The following MOGAT2 variants were observed in gnomAD, a reference collection of about 807,000 sequenced individuals.
The protein encoded by MOGAT2 is 2-acylglycerol O-acyltransferase 2.
In MOGAT2, 27 loss-of-function variants were observed where a neutral mutation model predicts 31.5. That is an observed-to-expected ratio of 0.86 (90% CI 0.63 to 1.18). The LOEUF is 1.18. MOGAT2 is among the 50% of genes most tolerant of loss of function. The pLI is 0.00. For synonymous variants in MOGAT2, 163 were observed against 170.0 expected (o/e 0.96, Z 0.32); for missense variants, 436 against 433.2 (o/e 1.01, Z -0.06).
chr11:75,727,952 A>G lies in MOGAT2; in HGVS notation c.476-18A>G, dbSNP rs1450613958. ...TGCTCCCTCACCCCATACCTGACCC[A>G]CTTTTCTCTTTCCCTAGGGTTGGTC... On this transcript the variant is annotated intron_variant, in intron 3 of 5. Transcript: ENST00000198801. 1 of 1,587,250 alleles carries G rather than the reference A, an allele frequency of 6.3e-7. No individual in the cohort carries two copies. Among genetic ancestry groups the G allele is most frequent in the Non-Finnish European group, 8.6e-7 (1 of 1,166,274 alleles).
chr11:75,723,678 C>T (rs1209379336), intron 2 of MOGAT2, among the ~76,000 whole-genome samples: 3 of 152,196 alleles, frequency 2.0e-5, no homozygotes, highest in Admixed American at 6.5e-5. Flanking sequence ...GTGTGAGCCA[C>T]CACACCTATC....
chr11:75,720,721 A>G (rs1348302767), intron 2 of MOGAT2, among the ~76,000 whole-genome samples: 1 of 152,142 alleles, frequency 6.6e-6, no homozygotes, highest in African/African-American at 2.4e-5. Context: ...GGCATGTGGT[A>G]TATCTTTGGG....
At chr11:75,727,945 C>T in intron 3 of MOGAT2, 25 bp from the exon 4 acceptor site, 1 of 1,581,654 alleles carries the variant, frequency 6.3e-7, no homozygotes, top group Non-Finnish European at 8.6e-7. Flanking sequence ...CACCCCATAC[C>T]TGACCCACTT....
intron 2 of MOGAT2, among the ~76,000 whole-genome samples, chr11:75,724,128 G>A (rs1292749713): frequency 6.6e-6 from 1 of 152,198 alleles, no homozygotes; most frequent in Non-Finnish European, 1.5e-5. Flanking sequence ...CTGACTCAAG[G>A]TTCTTTTTCC....
intron 2 of MOGAT2, among the ~76,000 whole-genome samples, chr11:75,722,459 C>G (rs1201600099): frequency 6.6e-6 from 1 of 152,192 alleles, no homozygotes; most frequent in Non-Finnish European, 1.5e-5. Context: ...GTCTCACTTC[C>G]CACTCTTGAG....
intron 2 of MOGAT2, among the ~76,000 whole-genome samples, chr11:75,721,884 C>T (rs1944379546): frequency 6.6e-6 from 1 of 152,200 alleles, no homozygotes; most frequent in Non-Finnish European, 1.5e-5. Flanking sequence ...TCCTGCCTTG[C>T]TCCCTTCTGA....
rs927781828 is a variant in MOGAT2, at chr11:75,731,449, C to A, written c.*163C>A. On this transcript the variant is annotated 3_prime_UTR_variant, in exon 6 of 6. Coordinates refer to ENST00000198801, the MANE Select transcript of MOGAT2 (RefSeq NM_025098.4). ...AGAGCAGGCAATGCAGAAGAGGAGA[C>A]CAGACCAAGGGGTCAGCTGGGGCTA... 1.3e-6 allele frequency: 1 copy of A among 761,728 alleles called. No homozygotes were observed. Among genetic ancestry groups the A allele is most frequent in the African/African-American group, 3.7e-5 (1 of 27,124 alleles). The allele number at this position is 761,728 out of a possible 1,614,324, so 47.2% of individuals were successfully genotyped here. A position where few individuals can be genotyped will look rare whatever the true frequency, so the allele number is the denominator to read the frequency against.
Position 75,727,552 on chromosome 11 carries a change from T to C in MOGAT2, c.388T>C (p.Ser130Pro). 2 of 1,614,196 alleles carry C rather than the reference T, an allele frequency of 1.2e-6. No homozygotes were observed. The highest frequency in any genetic ancestry group is 1.7e-6 in the Non-Finnish European group (2 of 1,180,028). ...GTGCACTGAGAGCACAGGCTTCTCT[T>C]CGATCTTCCCCGGTATCCGCCCCCA... ...NLCTESTGFS[S>P]IFPGIRPHLM... Residue 130 changes from serine (S) to proline (P), a missense_variant, in exon 3 of 6, where the codon TCG becomes CCG. Physicochemically the swap from Ser to Pro is moderately conservative, Grantham distance 74. Coordinates refer to ENST00000198801, the MANE Select transcript of MOGAT2 (RefSeq NM_025098.4).
chr11:75,718,001 GA>G, intron 1 of MOGAT2, 22 bp downstream of exon 1: 2 of 1,610,910 alleles, frequency 1.2e-6, no homozygotes, highest in Non-Finnish European at 1.7e-6. Flanking sequence ...TGCACTGTAA[GA>G]CGGGAGACCA....
rs1227970827 is a variant in MOGAT2, at chr11:75,717,981, T to A, written c.91+2T>A. 6.2e-7 allele frequency: 1 copy of A among 1,614,028 alleles called. No homozygotes were observed. Among genetic ancestry groups the A allele is most frequent in the Non-Finnish European group, 8.5e-7 (1 of 1,179,950 alleles). On this transcript the variant is annotated splice_donor_variant, in intron 1 of 5. Coordinates refer to ENST00000198801, the MANE Select transcript of MOGAT2 (RefSeq NM_025098.4). LOFTEE classifies it high-confidence loss of function. Reference sequence around the variant, plus strand: ...TTGTCTTCTCCTTCTTGGCACTGGGTAAGTTGGGCTGCACTGTAAGACGGG... The same window carrying A: ...TTGTCTTCTCCTTCTTGGCACTGGGAAAGTTGGGCTGCACTGTAAGACGGG...
rs554086915 is a variant in MOGAT2 at position 75,717,866 on chromosome 11, G to A, written c.-23G>A. 9.3e-6 allele frequency: 15 copies of A among 1,611,886 alleles called. No homozygotes were observed. The highest frequency in any genetic ancestry group is 3.3e-5 in the South Asian group (3 of 90,766). ...CCACAGCAGAGCTCACAGAACCTGCGGGAGCCAGGCTGACCCGCCAGCATG... is the reference window on the plus strand; with the variant it reads ...CCACAGCAGAGCTCACAGAACCTGCAGGAGCCAGGCTGACCCGCCAGCATG... On this transcript the variant is annotated 5_prime_UTR_variant, in exon 1 of 6. Coordinates refer to ENST00000198801, the MANE Select transcript of MOGAT2 (RefSeq NM_025098.4).
intron 2 of MOGAT2, among the ~76,000 whole-genome samples, chr11:75,721,173 T>C (rs539290440): frequency 2.6e-5 from 4 of 152,172 alleles, no homozygotes; most frequent in South Asian, 4.2e-4. Flanking sequence ...TGATCGTAGG[T>C]AAGTTGGTCT....
intron 5 of MOGAT2, among the ~76,000 whole-genome samples, chr11:75,729,307 T>C (rs1159515749): frequency 6.6e-6 from 1 of 152,166 alleles, no homozygotes; most frequent in Admixed American, 6.5e-5. Context: ...AGAGTTTTGC[T>C]CTTGTCGCTC....
At chr11:75,730,897 A>T in intron 5 of MOGAT2, 1 of 319,612 alleles carries the variant, frequency 3.1e-6, no homozygotes, top group Non-Finnish European at 5.6e-6. Context: ...CCTGGGCTAC[A>T]GAGCGAGACT....
intron 2 of MOGAT2, among the ~76,000 whole-genome samples, chr11:75,725,245 A>G (rs1163131416): frequency 6.6e-6 from 1 of 152,160 alleles, no homozygotes; most frequent in Non-Finnish European, 1.5e-5. Flanking sequence ...GCATTGAGCT[A>G]GATAGGTTTT....
At chr11:75,725,033 T>G (rs1000651791) in intron 2 of MOGAT2, among the ~76,000 whole-genome samples, 1 of 152,232 alleles carries the variant, frequency 6.6e-6, no homozygotes, top group African/African-American at 2.4e-5. Flanking sequence ...AACCTGATGC[T>G]TCTGTGAATA....
intron 2 of MOGAT2, among the ~76,000 whole-genome samples, chr11:75,725,983 C>T (rs1266033922): frequency 1.3e-5 from 2 of 152,218 alleles, no homozygotes; most frequent in Non-Finnish European, 2.9e-5. Context: ...TCACCACCCA[C>T]AGCGATAGTC....
chr11:75,718,981 T>TCTCTCA (rs535098500), intron 1 of MOGAT2, among the ~76,000 whole-genome samples: 5 of 150,196 alleles, frequency 3.3e-5, no homozygotes, highest in African/African-American at 4.9e-5. Flanking sequence ...TCTCTCTCTC[T>TCTCTCA]CACACACACA....
At position 75,732,710 on chromosome 11, in the gene MOGAT2, C is replaced by T. The variant is rs1381770537; in HGVS notation, c.*1424C>T. ...CTCCCCCTTGTCTGGATAATTCCTA[C>T]TCATCCTACAATACTGATTTTATCT... On this transcript the variant is annotated 3_prime_UTR_variant, in exon 6 of 6. Coordinates refer to ENST00000198801, the MANE Select transcript of MOGAT2 (RefSeq NM_025098.4). 6 of 152,222 alleles carry T rather than the reference C, an allele frequency of 3.9e-5. No individual in the cohort carries two copies. Among genetic ancestry groups the T allele is most frequent in the African/African-American group, 9.7e-5 (4 of 41,434 alleles). 9.4% of individuals were successfully genotyped at this position (152,222 alleles called of 1,614,324 possible). A position where few individuals can be genotyped will look rare whatever the true frequency, so the allele number is the denominator to read the frequency against.
Sources: allele counts gnomAD v4.1 joint callset (sites outside exome capture counted in the v4.1 genomes callset), GRCh38; gene constraint gnomAD v4.1.1; transcripts MANE v1.5; gene names NCBI Gene and HGNC (gene_info 2026-07-23, HGNC 2026-07-21).